EEFSEC: variants seen among roughly 807,000 people sequenced by gnomAD.
EEFSEC encodes the protein eukaryotic elongation factor, selenocysteine-tRNA specific.
A neutral mutation model predicts 42.1 loss-of-function variants in EEFSEC; 43 were observed. That is an observed-to-expected ratio of 1.02 (90% CI 0.80 to 1.32). The LOEUF (loss-of-function observed/expected upper bound fraction) is 1.32. EEFSEC is among the 40% of genes most tolerant of loss of function. The pLI is 0.00. For synonymous variants in EEFSEC, 354 were observed against 339.1 expected, an observed-to-expected ratio of 1.04 and a Z score of -0.48; for missense variants, 745 against 803.6, an observed-to-expected ratio of 0.93 and a Z score of 0.88.
chr3:128,171,050 A>G (rs2065290643), intron 1 of EEFSEC, among the ~76,000 whole-genome samples: 1 of 152,152 alleles, frequency 6.6e-6, no homozygotes. Flanking sequence ...CAGCTGTACA[A>G]TCGCAAACTG....
chr3:128,266,285 G>A (rs377128489), intron 4 of EEFSEC, among the ~76,000 whole-genome samples: 4 of 152,252 alleles, frequency 2.6e-5, no homozygotes, highest in East Asian at 3.9e-4. Flanking sequence ...CACATCACCC[G>A]CTGGGTGAGA....
intron 1 of EEFSEC, among the ~76,000 whole-genome samples, chr3:128,217,503 T>A (rs1481104494): frequency 6.6e-6 from 1 of 152,132 alleles, no homozygotes; most frequent in Non-Finnish European, 1.5e-5. Flanking sequence ...GCAGAAGGGC[T>A]TAAGGACCCG....
chr3:128,373,144 C>A (rs984298428), intron 6 of EEFSEC, among the ~76,000 whole-genome samples: 1 of 152,188 alleles, frequency 6.6e-6, no homozygotes, highest in Non-Finnish European at 1.5e-5. Context: ...CACGAGGTCG[C>A]ACAGCTGAGA....
intron 5 of EEFSEC, among the ~76,000 whole-genome samples, chr3:128,342,186 C>G (rs534742401): frequency 6.6e-6 from 1 of 152,318 alleles, no homozygotes; most frequent in Non-Finnish European, 1.5e-5. Context: ...ACCCATGGGT[C>G]TGAGCAGGTC....
At chr3:128,377,822 A>G (rs2067727233) in intron 6 of EEFSEC, among the ~76,000 whole-genome samples, 1 of 152,116 alleles carries the variant, frequency 6.6e-6, no homozygotes, top group Non-Finnish European at 1.5e-5. Flanking sequence ...GCCATTTTAT[A>G]CTTCCATCAG....
chr3:128,315,644 A>C (rs2066937016), intron 4 of EEFSEC, among the ~76,000 whole-genome samples: 1 of 152,198 alleles, frequency 6.6e-6, no homozygotes, highest in African/African-American at 2.4e-5. Flanking sequence ...TATTTGTCAG[A>C]AGCCATCCTT....
At chr3:128,258,988 C>T (rs531035459) in intron 2 of EEFSEC, among the ~76,000 whole-genome samples, 3 of 152,206 alleles carry the variant, frequency 2.0e-5, no homozygotes, top group Non-Finnish European at 2.9e-5. Flanking sequence ...CCCCACCACT[C>T]ATTAGCCTGT....
chr3:128,365,314 G>A (rs905821983), intron 6 of EEFSEC, among the ~76,000 whole-genome samples: 2 of 152,164 alleles, frequency 1.3e-5, no homozygotes, highest in African/African-American at 4.8e-5. Flanking sequence ...GGAGAGGGAC[G>A]GGTCAGACGA....
chr3:128,159,568 A>G (rs1202239020), intron 1 of EEFSEC, among the ~76,000 whole-genome samples: 2 of 152,050 alleles, frequency 1.3e-5, no homozygotes, highest in Non-Finnish European at 2.9e-5. Flanking sequence ...AAATCCAGCC[A>G]CTTTGTGGCC....
chr3:128,384,611 G>A (rs564538138), intron 6 of EEFSEC, among the ~76,000 whole-genome samples: 7 of 152,314 alleles, frequency 4.6e-5, no homozygotes, highest in Admixed American at 2.6e-4. Context: ...TGGAGTGGAG[G>A]GTACAAGGCC....
intron 4 of EEFSEC, among the ~76,000 whole-genome samples, chr3:128,277,425 A>G (rs1183498353): frequency 2.6e-5 from 4 of 152,056 alleles, no homozygotes; most frequent in Admixed American, 6.6e-5. Flanking sequence ...TTGTTTATAA[A>G]TAAATTCCAG....
At chr3:128,384,239 A>C (rs992148526) in intron 6 of EEFSEC, among the ~76,000 whole-genome samples, 1 of 152,212 alleles carries the variant, frequency 6.6e-6, no homozygotes, top group African/African-American at 2.4e-5. Flanking sequence ...AGAAGGTACC[A>C]CTGCTGCCCA....
intron 1 of EEFSEC, among the ~76,000 whole-genome samples, chr3:128,224,992 A>T (rs1316712817): frequency 3.3e-5 from 5 of 152,140 alleles, no homozygotes; most frequent in African/African-American, 4.8e-5. Flanking sequence ...TATGTACTAC[A>T]CCTGGCTGCC....
At chr3:128,306,409 G>A (rs1188565545) in intron 4 of EEFSEC, among the ~76,000 whole-genome samples, 2 of 152,074 alleles carry the variant, frequency 1.3e-5, no homozygotes, top group Non-Finnish European at 2.9e-5. Flanking sequence ...TGTAAATTAA[G>A]CCCTTCATTA....
At chr3:128,236,689 C>T (rs138512801) in intron 1 of EEFSEC, among the ~76,000 whole-genome samples, 15 of 152,342 alleles carry the variant, frequency 9.8e-5, no homozygotes, top group East Asian at 3.9e-4. Flanking sequence ...CTTCCTCAAA[C>T]GCATGTGGAG....
chr3:128,256,690 A>C (rs888945576), intron 2 of EEFSEC, among the ~76,000 whole-genome samples: 1 of 152,172 alleles, frequency 6.6e-6, no homozygotes, highest in Non-Finnish European at 1.5e-5. Flanking sequence ...CTTATAATCT[A>C]TATGTTATCT....
intron 6 of EEFSEC, among the ~76,000 whole-genome samples, chr3:128,374,576 T>C (rs1448223062): frequency 1.3e-5 from 2 of 152,140 alleles, no homozygotes; most frequent in East Asian, 1.9e-4. Flanking sequence ...CTGGCACTAA[T>C]TGTGGCTCAA....
At chr3:128,179,678 G>A (rs1280961961) in intron 1 of EEFSEC, among the ~76,000 whole-genome samples, 5 of 152,142 alleles carry the variant, frequency 3.3e-5, no homozygotes, top group Non-Finnish European at 7.3e-5. Context: ...GCCGGCAGAC[G>A]GGCTTGCGTT....
At chr3:128,418,654 C>T in the EEFSEC span, among the ~76,000 whole-genome samples, 4 of 151,740 alleles carry the variant, frequency 2.6e-5, no homozygotes, top group East Asian at 5.8e-4. Context: ...CTCTGCCCAG[C>T]ACCCCCCAAC....
Sources: allele counts gnomAD v4.1 joint callset (sites outside exome capture counted in the v4.1 genomes callset), GRCh38; gene constraint gnomAD v4.1.1; transcripts MANE v1.5; gene names NCBI Gene and HGNC (gene_info 2026-07-23, HGNC 2026-07-21).